Variants in ANO2 observed in about 807,000 individuals in gnomAD.
The protein encoded by ANO2 is anoctamin 2, also known as anoctamin-2.
Under a neutral mutation model 124.2 loss-of-function variants are expected in ANO2, and 101 were observed. That is an observed-to-expected ratio of 0.81 (90% CI 0.69 to 0.96). ANO2 has a LOEUF of 0.96. ANO2 is among the 40% of genes least tolerant of loss of function. The pLI, the probability that ANO2 is intolerant of heterozygous loss-of-function variation, is 0.00. For missense variants in ANO2, 1,293 were observed against 1,274.5 expected (o/e 1.01, Z -0.22); for synonymous variants, 486 against 482.5 (o/e 1.01, Z -0.09).
At chr12:5,930,835 G>C (rs1055703178) in intron 1 of ANO2, among the ~76,000 whole-genome samples, 2 of 152,106 alleles carry the variant, frequency 1.3e-5, no homozygotes, top group African/African-American at 2.4e-5. Flanking sequence ...ACAGTAACAG[G>C]ACTGCTCTCC....
intron 3 of ANO2, among the ~76,000 whole-genome samples, chr12:5,883,856 G>A (rs574511390): frequency 6.6e-6 from 1 of 152,294 alleles, no homozygotes; most frequent in South Asian, 2.1e-4. Flanking sequence ...AGAATTAATT[G>A]TTATAATTGC....
chr12:5,702,420 T>A (rs1278760804), intron 14 of ANO2, among the ~76,000 whole-genome samples: 1 of 152,178 alleles, frequency 6.6e-6, no homozygotes, highest in Non-Finnish European at 1.5e-5. Context: ...GCCATTCATA[T>A]GATTAACAAT....
chr12:5,647,863 C>T (rs367206), intron 14 of ANO2, 62 bp from the exon 15 acceptor site: 450,147 of 1,274,688 alleles, frequency 0.35, 86,621 homozygotes, highest in African/African-American at 0.65. Flanking sequence ...TTAATTTGCT[C>T]TCATTTGCAT....
chr12:5,867,302 C>T (rs1955452320), intron 3 of ANO2, among the ~76,000 whole-genome samples: 1 of 152,186 alleles, frequency 6.6e-6, no homozygotes, highest in African/African-American at 2.4e-5. Context: ...CCTGCTCAGC[C>T]CCAACTTGGG....
chr12:5,765,008 T>C (rs564815268), intron 10 of ANO2, among the ~76,000 whole-genome samples: 39 of 152,312 alleles, frequency 2.6e-4, no homozygotes, highest in Admixed American at 5.9e-4. Flanking sequence ...ATATAAACAG[T>C]TGACTATTCT....
chr12:5,692,368 A>C (rs1237318109), intron 14 of ANO2, among the ~76,000 whole-genome samples: 1 of 152,002 alleles, frequency 6.6e-6, no homozygotes, highest in Non-Finnish European at 1.5e-5. Flanking sequence ...TTTAAGCTGG[A>C]GATTTGGATG....
At chr12:5,680,375 T>C (rs377542514) in intron 14 of ANO2, among the ~76,000 whole-genome samples, 9 of 152,204 alleles carry the variant, frequency 5.9e-5, no homozygotes, top group African/African-American at 2.2e-4. Flanking sequence ...AAGAGGGATA[T>C]TGAAAAAAAG....
At chr12:5,832,362 T>C in intron 5 of ANO2, 90 bp downstream of exon 5, 1 of 1,467,584 alleles carries the variant, frequency 6.8e-7, no homozygotes. Flanking sequence ...GGCACCCACT[T>C]TGGGAGCCCC....
intron 14 of ANO2, among the ~76,000 whole-genome samples, chr12:5,678,881 G>T (rs1399295904): frequency 6.9e-6 from 1 of 144,846 alleles, no homozygotes; most frequent in African/African-American, 2.6e-5. Context: ...AGCAAGGTTG[G>T]CTGAACTTAA....
intron 10 of ANO2, among the ~76,000 whole-genome samples, chr12:5,772,081 C>T (rs977543141): frequency 1.3e-5 from 2 of 152,032 alleles, no homozygotes; most frequent in South Asian, 2.1e-4. Context: ...TACTTTTTAC[C>T]CACAACAGAT....
intron 10 of ANO2, among the ~76,000 whole-genome samples, chr12:5,783,782 C>T (rs996021518): frequency 3.9e-5 from 6 of 152,092 alleles, no homozygotes; most frequent in Admixed American, 1.3e-4. Context: ...TCTGAGGTTT[C>T]CTTCTCAAGA....
chr12:5,704,501 C>T (rs937341742), intron 14 of ANO2, among the ~76,000 whole-genome samples: 4 of 152,088 alleles, frequency 2.6e-5, no homozygotes, highest in African/African-American at 7.2e-5. Flanking sequence ...GGGGAGATGG[C>T]GGTGGGGAGA....
intron 16 of ANO2, among the ~76,000 whole-genome samples, chr12:5,615,909 T>C (rs1157486514): frequency 6.6e-6 from 1 of 152,150 alleles, no homozygotes; most frequent in Non-Finnish European, 1.5e-5. Flanking sequence ...ATAGACAAGA[T>C]GAGTGAAACA....
At chr12:5,889,973 A>C (rs1346988394) in intron 3 of ANO2, among the ~76,000 whole-genome samples, 2 of 152,206 alleles carry the variant, frequency 1.3e-5, no homozygotes, top group Non-Finnish European at 2.9e-5. Context: ...AGACAAGCAA[A>C]AGCAGGTTCA....
chr12:5,828,260 C>T (rs1345619216), intron 6 of ANO2, among the ~76,000 whole-genome samples: 1 of 151,986 alleles, frequency 6.6e-6, no homozygotes, highest in Non-Finnish European at 1.5e-5. Flanking sequence ...CGGGGAGGGG[C>T]GGGCCCCCTC....
At chr12:5,702,455 A>T (rs1373428097) in intron 14 of ANO2, among the ~76,000 whole-genome samples, 1 of 152,188 alleles carries the variant, frequency 6.6e-6, no homozygotes, top group Non-Finnish European at 1.5e-5. Context: ...ATATATAAAG[A>T]GCTCCTATAA....
chr12:5,681,336 A>T (rs570189978), intron 14 of ANO2, among the ~76,000 whole-genome samples: 2 of 152,324 alleles, frequency 1.3e-5, no homozygotes, highest in South Asian at 4.1e-4. Context: ...TACCACTCAC[A>T]TTTTTTATGA....
chr12:5,566,070 C>CG (rs112635602), intron 23 of ANO2, among the ~76,000 whole-genome samples: 8,628 of 151,966 alleles, frequency 0.057, 799 homozygotes, highest in African/African-American at 0.19. Context: ...GCTCTGCAGC[C>CG]GGGGGGGTTG....
intron 15 of ANO2, among the ~76,000 whole-genome samples, chr12:5,640,649 GA>G (rs1434165843): frequency 2.6e-5 from 4 of 152,214 alleles, no homozygotes; most frequent in Admixed American, 6.5e-5. Flanking sequence ...GGTCATCAGA[GA>G]AATGCAAATC....
Sources: allele counts gnomAD v4.1 joint callset (sites outside exome capture counted in the v4.1 genomes callset), GRCh38; gene constraint gnomAD v4.1.1; transcripts MANE v1.5; gene names NCBI Gene and HGNC (gene_info 2026-07-23, HGNC 2026-07-21).